POMK: variants seen among roughly 807,000 people sequenced by gnomAD.
POMK encodes protein O-mannose kinase.
Under a neutral mutation model 23.0 loss-of-function variants are expected in POMK, and 19 were observed. The ratio of observed to expected loss-of-function variants is 0.83; its 90% CI spans 0.58 to 1.21. POMK has a LOEUF of 1.21. Ranked by LOEUF, POMK falls within the 50% of genes most tolerant of loss-of-function variation. The pLI is 0.00. For missense variants in POMK, 410 were observed against 431.3 expected (o/e 0.95, Z 0.44); for synonymous variants, 173 against 171.6 (o/e 1.01, Z -0.06).
At chr8:43,094,986 T>C (rs758753735) in intron 1 of POMK, among the ~76,000 whole-genome samples, 53 of 152,346 alleles carry the variant, frequency 3.5e-4, no homozygotes, top group Admixed American at 3.9e-4. Flanking sequence ...CACAGCCTCA[T>C]GCTATGCTCT....
In POMK at chr8:43,093,748, C is replaced by T. The variant is rs573723696; in HGVS notation, c.-210+185C>T. Among the ~76,000 whole-genome samples, 9 of 152,348 alleles carry T rather than the reference C, an allele frequency of 5.9e-5. No individual in the cohort carries two copies. The South Asian group carries it at 1.7e-3, about 28-fold the overall frequency. The stretch of plus-strand genomic sequence containing the variant: ...AGCGGCCGTGTCCACCGCGCCCAGC[C>T]CCTATCTCCGCGTCCACCCCTGCGC... On this transcript the variant is annotated intron_variant, in intron 1 of 4. Coordinates refer to ENST00000331373, the MANE Select transcript of POMK (RefSeq NM_032237.5).
At chr8:43,100,014 G>A (rs866606617) in intron 2 of POMK, among the ~76,000 whole-genome samples, 5 of 152,178 alleles carry the variant, frequency 3.3e-5, no homozygotes, top group South Asian at 4.1e-4. Flanking sequence ...GCATACTGGC[G>A]GGACTTGCAT....
intron 4 of POMK, among the ~76,000 whole-genome samples, chr8:43,119,321 G>A (rs144717684): frequency 3.6e-4 from 55 of 152,034 alleles, no homozygotes; most frequent in East Asian, 3.3e-3. Flanking sequence ...TATGGAGAGC[G>A]TGTGTTCAAT....
chr8:43,122,136 A>G lies in POMK; in HGVS notation c.312A>G (p.Lys104=), dbSNP rs1012823402. ...TTCTGTCTGAGTGGAAGGAGCACAA[A>G]GTTGCACTCTCACAGCTCACCAGCC... The part of the protein sequence containing the change: ...RVFLSEWKEH[K]VALSQLTSLE... The change falls in exon 5 of 5, where the codon AAA becomes AAG. Residue 104 remains lysine, a synonymous_variant. Coordinates refer to ENST00000331373, the MANE Select transcript of POMK (RefSeq NM_032237.5). The G allele has an allele frequency of 3.1e-6, 5 of 1,614,192 alleles. No individual in the cohort carries two copies. Among genetic ancestry groups the G allele is most frequent in the Non-Finnish European group, 4.2e-6 (5 of 1,180,026 alleles).
intron 1 of POMK, among the ~76,000 whole-genome samples, chr8:43,096,928 G>A (rs1811347381): frequency 6.6e-6 from 1 of 152,192 alleles, no homozygotes; most frequent in South Asian, 2.1e-4. Context: ...ACATATGTAT[G>A]ATTTATGGGC....
At chr8:43,110,643 C>T (rs926784407) in intron 4 of POMK, among the ~76,000 whole-genome samples, 7 of 152,054 alleles carry the variant, frequency 4.6e-5, no homozygotes, top group African/African-American at 1.2e-4. Context: ...CTTGGCTGGG[C>T]GTGGTGGCTC....
At chr8:43,114,084 C>T (rs1291604305) in intron 4 of POMK, among the ~76,000 whole-genome samples, 1 of 152,252 alleles carries the variant, frequency 6.6e-6, no homozygotes, top group Non-Finnish European at 1.5e-5. Context: ...TTGAGGCAGT[C>T]TGCCTGTTGT....
At position 43,122,205 on chromosome 8, in the gene POMK, A is replaced by G; in HGVS notation, c.381A>G (p.Lys127=). ...DDFLHGLQML[K]SLQGTHVVTL... ...TCCTCCATGGACTGCAGATGCTGAAATCTCTCCAAGGCACACATGTTGTCA... is the reference window on the plus strand; with the variant it reads ...TCCTCCATGGACTGCAGATGCTGAAGTCTCTCCAAGGCACACATGTTGTCA... Residue 127 remains lysine, a synonymous_variant, in exon 5 of 5, where the codon AAA becomes AAG. Transcript: ENST00000331373. 1 of 1,614,168 alleles carries G rather than the reference A, an allele frequency of 6.2e-7. No individual in the cohort carries two copies. The highest frequency in any genetic ancestry group is 8.5e-7 in the Non-Finnish European group (1 of 1,180,024).
At chr8:43,115,481 C>T (rs558796147) in intron 4 of POMK, among the ~76,000 whole-genome samples, 44 of 152,280 alleles carry the variant, frequency 2.9e-4, no homozygotes, top group African/African-American at 8.9e-4. Context: ...CCTATCTTGT[C>T]AATATCCTGA....
chr8:43,110,943 G>A (rs1374475861), intron 4 of POMK, among the ~76,000 whole-genome samples: 1 of 151,348 alleles, frequency 6.6e-6, no homozygotes, highest in African/African-American at 2.4e-5. Context: ...TCTTGGGGGT[G>A]AAGCCAAGAT....
At chr8:43,095,189 A>G (rs1257653663) in intron 1 of POMK, among the ~76,000 whole-genome samples, 1 of 152,132 alleles carries the variant, frequency 6.6e-6, no homozygotes, top group Non-Finnish European at 1.5e-5. Flanking sequence ...AGGCCAGAAA[A>G]CTTGGCTCTT....
At chr8:43,111,831 T>C (rs1003192860) in intron 4 of POMK, among the ~76,000 whole-genome samples, 8 of 152,152 alleles carry the variant, frequency 5.3e-5, no homozygotes, top group South Asian at 4.1e-4. Context: ...GGACTTCCAG[T>C]AAACTCCAAC....
chr8:43,122,139 T>G lies in POMK; in HGVS notation c.315T>G (p.Val105=), dbSNP rs1811929290. The G allele has an allele frequency of 1.9e-6, 3 of 1,614,044 alleles. No individual in the cohort carries two copies. The African/African-American group carries it at 4.0e-5, about 22-fold the overall frequency. Residue 105 remains valine, a synonymous_variant, in exon 5 of 5, where the codon GTT becomes GTG. Transcript: ENST00000331373. The part of the protein sequence containing the change: ...VFLSEWKEHK[V]ALSQLTSLEM... ...TGTCTGAGTGGAAGGAGCACAAAGT[T>G]GCACTCTCACAGCTCACCAGCCTGG...
intron 4 of POMK, among the ~76,000 whole-genome samples, chr8:43,108,880 C>T (rs1181771198): frequency 1.3e-5 from 2 of 152,284 alleles, no homozygotes; most frequent in East Asian, 3.9e-4. Context: ...GAATCTGTGG[C>T]ACACAATAAT....
intron 4 of POMK, among the ~76,000 whole-genome samples, chr8:43,104,808 A>G (rs2130602942): frequency 6.6e-6 from 1 of 152,162 alleles, no homozygotes; most frequent in Middle Eastern, 3.4e-3. Flanking sequence ...GCCTGGCATA[A>G]TGGTGCGCAC....
intron 3 of POMK, among the ~76,000 whole-genome samples, chr8:43,102,832 G>A (rs1376645666): frequency 6.6e-6 from 1 of 152,196 alleles, no homozygotes; most frequent in Non-Finnish European, 1.5e-5. Flanking sequence ...TCCAGCGGTA[G>A]AGCCCACACA....
chr8:43,101,629 C>G (rs760533680), intron 2 of POMK, among the ~76,000 whole-genome samples: 4 of 152,082 alleles, frequency 2.6e-5, no homozygotes, highest in Non-Finnish European at 5.9e-5. Context: ...CCAGAAACTC[C>G]TTATCTGAAG....
chr8:43,114,384 G>T (rs1811749181), intron 4 of POMK, among the ~76,000 whole-genome samples: 1 of 152,224 alleles, frequency 6.6e-6, no homozygotes, highest in Non-Finnish European at 1.5e-5. Flanking sequence ...AGCAATCAGT[G>T]AGACTCCGTG....
intron 3 of POMK, among the ~76,000 whole-genome samples, chr8:43,102,999 A>G (rs1811474556): frequency 6.6e-6 from 1 of 152,080 alleles, no homozygotes; most frequent in Non-Finnish European, 1.5e-5. Flanking sequence ...TTTCACCCCA[A>G]ATCTACCTTT....
Sources: allele counts gnomAD v4.1 joint callset (sites outside exome capture counted in the v4.1 genomes callset), GRCh38; gene constraint gnomAD v4.1.1; transcripts MANE v1.5; gene names NCBI Gene and HGNC (gene_info 2026-07-23, HGNC 2026-07-21).